The following RTN4RL1 variants were observed in gnomAD, a reference collection of about 807,000 sequenced individuals.
RTN4RL1 encodes the protein reticulon 4 receptor like 1, also known as reticulon-4 receptor-like 1.
Under a neutral mutation model 25.6 loss-of-function variants are expected in RTN4RL1, and 7 were observed. The observed-to-expected ratio is 0.27, with a 90% CI of 0.16 to 0.51. The LOEUF is 0.51. RTN4RL1 is among the 20% of genes least tolerant of loss of function. RTN4RL1 has a pLI of 0.97. For synonymous variants in RTN4RL1, 297 were observed against 288.2 expected, an observed-to-expected ratio of 1.03 and a Z score of -0.31; for missense variants, 500 against 615.6, an observed-to-expected ratio of 0.81 and a Z score of 1.99.
chr17:1,978,639 G>A (rs2066853937), intron 1 of RTN4RL1, among the ~76,000 whole-genome samples: 1 of 152,068 alleles, frequency 6.6e-6, no homozygotes. Flanking sequence ...AAAATGGGGG[G>A]GGTGGAGGGT....
intron 1 of RTN4RL1, among the ~76,000 whole-genome samples, chr17:1,940,663 G>C (rs976924948): frequency 1.3e-5 from 2 of 152,050 alleles, no homozygotes; most frequent in African/African-American, 2.4e-5. Context: ...GGCTGGGAGG[G>C]GGCCCCAACC....
intron 1 of RTN4RL1, among the ~76,000 whole-genome samples, chr17:1,995,445 A>G (rs2066925276): frequency 1.3e-5 from 2 of 151,580 alleles, no homozygotes; most frequent in South Asian, 4.2e-4. Flanking sequence ...AAAAAAAAAA[A>G]AGATAGGCAT....
chr17:1,996,876 CTG>C (rs1312677263), intron 1 of RTN4RL1, among the ~76,000 whole-genome samples: 2 of 152,218 alleles, frequency 1.3e-5, no homozygotes, highest in East Asian at 1.9e-4. Flanking sequence ...AGCTGGGACT[CTG>C]TGCACAAAGA....
chr17:2,021,177 T>TC (rs1038825761), intron 1 of RTN4RL1, among the ~76,000 whole-genome samples: 1 of 152,092 alleles, frequency 6.6e-6, no homozygotes, highest in African/African-American at 2.4e-5. Context: ...TGCAAGGCAG[T>TC]CCCCCTCAGT....
chr17:1,971,368 C>T (rs547157695), intron 1 of RTN4RL1, among the ~76,000 whole-genome samples: 4 of 152,308 alleles, frequency 2.6e-5, no homozygotes, highest in East Asian at 3.9e-4. Flanking sequence ...AAACCTCTTT[C>T]GTTTATAAAT....
intron 1 of RTN4RL1, among the ~76,000 whole-genome samples, chr17:1,980,622 A>T (rs2066862949): frequency 6.6e-6 from 1 of 152,094 alleles, no homozygotes; most frequent in Admixed American, 6.6e-5. Context: ...ATAAACAAAC[A>T]CAAGAGATTA....
At chr17:1,988,417 A>AAAAAG (rs1222133573) in intron 1 of RTN4RL1, among the ~76,000 whole-genome samples, 2 of 148,454 alleles carry the variant, frequency 1.3e-5, no homozygotes, top group Admixed American at 6.7e-5. Context: ...AAAAAAAAAA[A>AAAAAG]AAAAGAAAAG....
At chr17:1,989,062 C>A (rs577735822) in intron 1 of RTN4RL1, among the ~76,000 whole-genome samples, 1 of 152,058 alleles carries the variant, frequency 6.6e-6, no homozygotes, top group African/African-American at 2.4e-5. Context: ...CCCCTAATTG[C>A]GGCAAGGAGG....
At chr17:2,023,685 C>T (rs1363113060) in intron 1 of RTN4RL1, 1 of 144,296 alleles carries the variant, frequency 6.9e-6, no homozygotes, top group Non-Finnish European at 1.5e-5. Flanking sequence ...CCCCAACCTC[C>T]CCCCCCTCCA....
chr17:1,949,574 C>G (rs1014170249), intron 1 of RTN4RL1, among the ~76,000 whole-genome samples: 1 of 152,180 alleles, frequency 6.6e-6, no homozygotes, highest in Admixed American at 6.5e-5. Flanking sequence ...CATTCAGAAC[C>G]GGCATCTAGA....
chr17:1,957,395 G>C (rs1488582840), intron 1 of RTN4RL1, among the ~76,000 whole-genome samples: 3 of 152,180 alleles, frequency 2.0e-5, no homozygotes, highest in Non-Finnish European at 4.4e-5. Context: ...CGTGGGGAAG[G>C]GAAGGGGGTT....
At position 1,998,266 on chromosome 17, in the gene RTN4RL1, GACCCGGCGCCCCA is replaced by G. The variant is rs930392105; in HGVS notation, c.13+26574_13+26586del. On this transcript the variant is annotated intron_variant, in intron 1 of 1. Transcript: ENST00000331238. This position sits in a 1 kb window ranked among gnomAD's most constrained non-coding sequence, Gnocchi z 4.9. ...AGCTGCAGGGCGAGGGCGGTGCCCAGACCCGGCGCCCCAAGGCCTCCCGCAGGCCGACCCGAGC... is the reference window on the plus strand; with the variant it reads ...AGCTGCAGGGCGAGGGCGGTGCCCAGAGGCCTCCCGCAGGCCGACCCGAGC... Among the ~76,000 whole-genome samples, 13 of 152,148 alleles carry G rather than the reference GACCCGGCGCCCCA, an allele frequency of 8.5e-5. No homozygotes were observed. Among genetic ancestry groups the G allele is most frequent in the Non-Finnish European group, 1.6e-4 (11 of 67,992 alleles).
intron 1 of RTN4RL1, among the ~76,000 whole-genome samples, chr17:1,973,798 G>A (rs1206287854): frequency 6.6e-6 from 1 of 152,270 alleles, no homozygotes; most frequent in East Asian, 1.9e-4. Context: ...CAGCACTTTG[G>A]GAGGCCGAGA....
At chr17:1,984,155 C>T (rs1210124336) in intron 1 of RTN4RL1, among the ~76,000 whole-genome samples, 1 of 152,212 alleles carries the variant, frequency 6.6e-6, no homozygotes, top group East Asian at 1.9e-4. Flanking sequence ...GGGCTCCTTT[C>T]GAGAAGCCGA....
chr17:2,009,119 C>G (rs1426197194), intron 1 of RTN4RL1, among the ~76,000 whole-genome samples: 1 of 152,178 alleles, frequency 6.6e-6, no homozygotes, highest in Admixed American at 6.5e-5. Context: ...CTGAAAAAGA[C>G]AAGGCTGTGC....
chr17:1,967,661 A>T (rs1447376837), intron 1 of RTN4RL1, among the ~76,000 whole-genome samples: 2 of 151,174 alleles, frequency 1.3e-5, no homozygotes, highest in South Asian at 2.1e-4. Flanking sequence ...TTTTTTTTTA[A>T]AACAGAGTCT....
At chr17:1,977,709 C>G (rs1476231464) in intron 1 of RTN4RL1, among the ~76,000 whole-genome samples, 1 of 152,108 alleles carries the variant, frequency 6.6e-6, no homozygotes, top group Non-Finnish European at 1.5e-5. Flanking sequence ...TGAGGAGAGA[C>G]CCGGAGCAGC....
chr17:1,939,166 C>A (rs899133126), intron 1 of RTN4RL1, among the ~76,000 whole-genome samples: 3 of 151,882 alleles, frequency 2.0e-5, no homozygotes, highest in Admixed American at 6.6e-5. Context: ...TCCTGGCTAA[C>A]ACGGCGAAAC....
chr17:1,939,507 G>T (rs891596946), intron 1 of RTN4RL1, among the ~76,000 whole-genome samples: 3 of 151,968 alleles, frequency 2.0e-5, no homozygotes, highest in East Asian at 3.9e-4. Flanking sequence ...CCCCAATCCC[G>T]GCCCACCTTC....
Sources: gnomAD v4.1 joint callset for allele counts (sites outside exome capture counted in the v4.1 genomes callset) on GRCh38, gnomAD v4.1.1 for gene constraint, Gnocchi (gnomAD v3.1) non-coding constraint, MANE v1.5 for transcripts, NCBI Gene and HGNC (gene_info 2026-07-23, HGNC 2026-07-21) for gene names.